The following CEP63 variants were observed in gnomAD, a reference collection of about 807,000 sequenced individuals.
CEP63 encodes centrosomal protein 63, also known as centrosomal protein of 63 kDa.
CEP63 carries 84 observed loss-of-function variants against 89.1 expected under a neutral mutation model. The observed-to-expected ratio is 0.94, with a 90% CI of 0.79 to 1.13. The LOEUF (loss-of-function observed/expected upper bound fraction) is 1.13. CEP63 is among the 50% of genes most tolerant of loss of function. The pLI is 0.00. For missense variants in CEP63, 838 were observed against 813.3 expected, an observed-to-expected ratio of 1.03 and a Z score of -0.37; for synonymous variants, 267 against 272.5, an observed-to-expected ratio of 0.98 and a Z score of 0.20.
Position 134,559,428 on chromosome 3 carries a change from C to A in CEP63, c.1952C>A (p.Ser651Ter), listed in dbSNP as rs1127826. Residue 651 changes from serine to a stop codon, truncating the protein, a stop_gained and splice_region_variant, in exon 14 of 15, where the codon TCG becomes TAG. Transcript: ENST00000675561. LOFTEE classifies it high-confidence loss of function. ...SMNDQEEFISSCSLPVSPLGS... is the reference protein window; with the variant it reads ...SMNDQEEFIS Reference sequence around the variant, plus strand: ...AATGACCAAGAAGAGTTTATATCTTCGGTATGGAAACTTTCTGATCTTAGT... The same window carrying A: ...AATGACCAAGAAGAGTTTATATCTTAGGTATGGAAACTTTCTGATCTTAGT... 2 of 1,611,710 alleles carry A rather than the reference C, an allele frequency of 1.2e-6. No individual in the cohort carries two copies. Among genetic ancestry groups the A allele is most frequent in the South Asian group, 2.2e-5 (2 of 90,882 alleles).
chr3:134,538,584 AT>A (rs1201765703), intron 6 of CEP63, among the ~76,000 whole-genome samples: 4 of 117,352 alleles, frequency 3.4e-5, no homozygotes, highest in Admixed American at 1.1e-4. Flanking sequence ...ACAACAAAAA[AT>A]TTTTTTTGGT....
intron 2 of CEP63, among the ~76,000 whole-genome samples, chr3:134,496,924 C>T (rs1485916666): frequency 2.0e-5 from 3 of 149,742 alleles, no homozygotes; most frequent in South Asian, 4.8e-4. Context: ...TTGTCCACAT[C>T]CCCCCCAGCA....
the CEP63 span, among the ~76,000 whole-genome samples, chr3:134,702,134 A>G: frequency 1.3e-5 from 2 of 152,322 alleles, no homozygotes; most frequent in African/African-American, 4.8e-5. Flanking sequence ...AAAGAAAAAA[A>G]TGCTTAGGAA....
chr3:134,532,933 T>A, intron 5 of CEP63, 33 bp downstream of exon 5: 1 of 1,610,796 alleles, frequency 6.2e-7, no homozygotes, highest in Non-Finnish European at 8.5e-7. Context: ...TTCATAGTGA[T>A]TGTCAGCCTT....
At chr3:134,663,415 C>G in the CEP63 span, among the ~76,000 whole-genome samples, 242 of 152,276 alleles carry the variant, frequency 1.6e-3, 1 homozygote, top group Middle Eastern at 3.4e-3. Context: ...TAGACAGATG[C>G]CTTCTCACTG....
At chr3:134,593,878 G>A in the CEP63 span, among the ~76,000 whole-genome samples, 13 of 152,154 alleles carry the variant, frequency 8.5e-5, no homozygotes, top group Non-Finnish European at 1.6e-4. Context: ...CCACTGTGTT[G>A]CTCCTGGGAG....
chr3:134,636,562 C>G, the CEP63 span, among the ~76,000 whole-genome samples: 13 of 152,178 alleles, frequency 8.5e-5, no homozygotes, highest in African/African-American at 3.1e-4. Context: ...GTGAGGCTAT[C>G]CCAGACCAGC....
the CEP63 span, among the ~76,000 whole-genome samples, chr3:134,689,493 C>T: frequency 6.7e-6 from 1 of 148,890 alleles, no homozygotes; most frequent in Non-Finnish European, 1.5e-5. Context: ...GTTCTGTCAC[C>T]CAGGCTGGAG....
chr3:134,540,764 A>ATT (rs58341628), intron 6 of CEP63, among the ~76,000 whole-genome samples: 2,338 of 133,252 alleles, frequency 0.018, 41 homozygotes, highest in South Asian at 0.074. Context: ...TTGTTTTAGG[A>ATT]TTTTTTTTTT....
chr3:134,610,281 A>T, the CEP63 span: 1 of 1,613,870 alleles, frequency 6.2e-7, no homozygotes, highest in African/African-American at 1.3e-5. Flanking sequence ...CCAGGTACAC[A>T]GCATTCCAGG....
rs931381343 is a variant in CEP63 at position 134,507,218 on chromosome 3, A to G, written c.154A>G (p.Thr52Ala). 3.1e-6 allele frequency: 5 copies of G among 1,613,712 alleles called. No homozygotes were observed. The highest frequency in any genetic ancestry group is 1.3e-5 in the African/African-American group (1 of 74,866). The change falls in exon 3 of 15, where the codon ACT (threonine) becomes GCT (alanine). Residue 52 changes from threonine (T) to alanine (A), a missense_variant. Thr to Ala is a moderately conservative substitution (Grantham distance 58). Transcript: ENST00000675561. ...GGAAGGACGTACACATGCTCTAGAA[A>G]CTTGCTTGAAAATCCGTGAACAGGA... ...EWEGRTHALE[T>A]CLKIREQELK...
At chr3:134,489,206 C>T (rs923800984) in intron 1 of CEP63, among the ~76,000 whole-genome samples, 9 of 151,200 alleles carry the variant, frequency 6.0e-5, no homozygotes, top group African/African-American at 2.2e-4. Context: ...GCATTAGCCA[C>T]ATTTCAAGTG....
chr3:134,635,614 G>A, the CEP63 span, among the ~76,000 whole-genome samples: 2 of 151,522 alleles, frequency 1.3e-5, no homozygotes, highest in African/African-American at 4.8e-5. Context: ...TGTATATTCC[G>A]ATGGTGGTGT....
At chr3:134,674,556 G>A in the CEP63 span, among the ~76,000 whole-genome samples, 1 of 152,046 alleles carries the variant, frequency 6.6e-6, no homozygotes, top group Admixed American at 6.5e-5. Context: ...TCTTACCATT[G>A]CTACTTTAAG....
At position 134,562,855 on chromosome 3, in the gene CEP63, C is replaced by CT. The variant is rs1957468564; in HGVS notation, c.*1321dup. 6.6e-6 allele frequency: 1 copy of CT among 152,338 alleles called. No homozygotes were observed. The highest frequency in any genetic ancestry group is 2.4e-5 in the African/African-American group (1 of 41,458). The allele number at this position is 152,338 out of a possible 1,614,324, so 9.4% of individuals were successfully genotyped here. A position where few individuals can be genotyped will look rare whatever the true frequency, so the allele number is the denominator to read the frequency against. Reference sequence around the variant, plus strand: ...CTCATGGCTTTTCCTCTTCTAACCTCTAAGTCAGAGGGCCCCCTAGAGCTC... The same window carrying CT: ...CTCATGGCTTTTCCTCTTCTAACCTCTTAAGTCAGAGGGCCCCCTAGAGCTC... On this transcript the variant is annotated 3_prime_UTR_variant, in exon 15 of 15. Transcript: ENST00000675561.
At chr3:134,767,503 T>C in the CEP63 span, among the ~76,000 whole-genome samples, 1 of 152,330 alleles carries the variant, frequency 6.6e-6, no homozygotes, top group South Asian at 2.1e-4. Flanking sequence ...GCATGTGACC[T>C]GGAAAGTCTC....
In CEP63 at chr3:134,537,277, A is replaced by T; in HGVS notation, c.555+9A>T. 6.5e-7 allele frequency: 1 copy of T among 1,537,880 alleles called. No homozygotes were observed. The highest frequency in any genetic ancestry group is 1.7e-5 in the Admixed American group (1 of 59,892). On this transcript the variant is annotated intron_variant, in intron 6 of 14. Coordinates refer to ENST00000675561, the MANE Select transcript of CEP63 (RefSeq NM_001353108.3). Reference sequence around the variant, plus strand: ...AATCAGAGATAATTCAGGTAGGCCTAAGACTTTTTAAAATAATGAGAAGCA... The same window carrying T: ...AATCAGAGATAATTCAGGTAGGCCTTAGACTTTTTAAAATAATGAGAAGCA...
Position 134,561,797 on chromosome 3 carries a change from T to C in CEP63, c.*262T>C. The C allele has an allele frequency of 7.9e-7, 1 of 1,265,748 alleles. No homozygotes were observed. The highest frequency in any genetic ancestry group is 3.7e-5 in the Admixed American group (1 of 27,212). 78.4% of individuals were successfully genotyped at this position (1,265,748 alleles called of 1,614,324 possible). A position where few individuals can be genotyped will look rare whatever the true frequency, so the allele number is the denominator to read the frequency against. ...TTTCTCATACGAATATTTATTATCA[T>C]AAAGTGATACTTACCTTGCTGACTT... On this transcript the variant is annotated 3_prime_UTR_variant, in exon 15 of 15. Coordinates refer to ENST00000675561, the MANE Select transcript of CEP63 (RefSeq NM_001353108.3).
At chr3:134,581,728 T>A (rs1475159603) in intron 10 of CEP63, among the ~76,000 whole-genome samples, 1 of 117,522 alleles carries the variant, frequency 8.5e-6, no homozygotes, top group Admixed American at 9.5e-5. Context: ...CAGGCTGGAG[T>A]GCAGTGGCGC....
Sources: allele counts gnomAD v4.1 joint callset (sites outside exome capture counted in the v4.1 genomes callset), GRCh38; gene constraint gnomAD v4.1.1; transcripts MANE v1.5; gene names NCBI Gene and HGNC (gene_info 2026-07-23, HGNC 2026-07-21).